Variants in NIBAN1 observed in about 807,000 individuals in gnomAD.
NIBAN1 encodes niban apoptosis regulator 1.
NIBAN1 carries 81 observed loss-of-function variants against 75.1 expected under a neutral mutation model. The ratio of observed to expected loss-of-function variants is 1.08; its 90% CI spans 0.90 to 1.30. The LOEUF (loss-of-function observed/expected upper bound fraction) is 1.30. Among genes scored for constraint, NIBAN1 ranks in the 50% most tolerant of loss-of-function variants. The pLI is 0.00. For missense variants in NIBAN1, 1,133 were observed against 1,128.1 expected, an observed-to-expected ratio of 1.00 and a Z score of -0.06; for synonymous variants, 436 against 424.8, an observed-to-expected ratio of 1.03 and a Z score of -0.32.
chr1:184,909,788 A>T (rs187149685), intron 1 of NIBAN1, among the ~76,000 whole-genome samples: 110 of 152,300 alleles, frequency 7.2e-4, no homozygotes, highest in African/African-American at 2.5e-3. Context: ...ATCTCCAATA[A>T]TAAAATCTGA....
At chr1:184,797,218 G>C (rs1348187822) in intron 13 of NIBAN1, among the ~76,000 whole-genome samples, 1 of 150,130 alleles carries the variant, frequency 6.7e-6, no homozygotes, top group Admixed American at 6.7e-5. Context: ...TGGCTCACTG[G>C]AACCTCTGCC....
chr1:184,878,537 T>C (rs910715176), intron 5 of NIBAN1, among the ~76,000 whole-genome samples: 1 of 152,192 alleles, frequency 6.6e-6, no homozygotes, highest in Non-Finnish European at 1.5e-5. Flanking sequence ...GATATAGTCA[T>C]GGTTAGCCTG....
At chr1:184,899,874 T>C (rs962789364) in intron 1 of NIBAN1, among the ~76,000 whole-genome samples, 3 of 145,096 alleles carry the variant, frequency 2.1e-5, no homozygotes, top group Admixed American at 7.2e-5. Context: ...TGGAGTGCAA[T>C]GGCACAATCT....
chr1:184,946,745 T>C (rs1422419612), intron 1 of NIBAN1, among the ~76,000 whole-genome samples: 2 of 152,184 alleles, frequency 1.3e-5, no homozygotes, highest in Non-Finnish European at 2.9e-5. Flanking sequence ...ACTCTTCATA[T>C]TTTCATAAAA....
chr1:184,898,837 G>A (rs536824198), intron 2 of NIBAN1, among the ~76,000 whole-genome samples: 2 of 152,180 alleles, frequency 1.3e-5, no homozygotes, highest in South Asian at 2.1e-4. Context: ...TGGAGCAAAG[G>A]AGTAAGAATA....
rs990857598 is a variant in NIBAN1 at position 184,859,751 on chromosome 1, C to G, written c.601+24882G>C. Among the ~76,000 whole-genome samples, 5 of 152,050 alleles carry G rather than the reference C, an allele frequency of 3.3e-5. No homozygotes were observed. The East Asian group carries it at 9.6e-4, about 29-fold the overall frequency. The stretch of plus-strand genomic sequence containing the variant: ...ATCTGCTGTGCCTTGCTGGTTCGCT[C>G]TGCCATGCTCACCAGATTACTGTGA... On this transcript the variant is annotated intron_variant, in intron 5 of 13. Coordinates refer to ENST00000367511, the MANE Select transcript of NIBAN1 (RefSeq NM_052966.4).
intron 1 of NIBAN1, among the ~76,000 whole-genome samples, chr1:184,960,019 T>G (rs952805637): frequency 1.3e-5 from 2 of 152,228 alleles, no homozygotes; most frequent in Non-Finnish European, 2.9e-5. Context: ...CTTTAATTTT[T>G]TTTATATTGC....
intron 1 of NIBAN1, among the ~76,000 whole-genome samples, chr1:184,952,335 C>G (rs1055581244): frequency 1.3e-5 from 2 of 152,112 alleles, no homozygotes; most frequent in African/African-American, 2.4e-5. Flanking sequence ...GTCCAGCAGA[C>G]AGAGGTTGCA....
At chr1:184,830,353 A>G (rs1654963310) in intron 6 of NIBAN1, among the ~76,000 whole-genome samples, 2 of 152,358 alleles carry the variant, frequency 1.3e-5, no homozygotes, top group Admixed American at 6.5e-5. Flanking sequence ...TCTTAATGGC[A>G]TAAGTACATA....
intron 1 of NIBAN1, 65 bp from the exon 2 acceptor site, chr1:184,899,374 C>T: frequency 6.5e-7 from 1 of 1,538,426 alleles, no homozygotes; most frequent in Non-Finnish European, 8.9e-7. Context: ...CTACAGAGTT[C>T]CAAAAACCAT....
intron 5 of NIBAN1, among the ~76,000 whole-genome samples, chr1:184,871,492 T>C (rs1294762291): frequency 6.6e-6 from 1 of 152,082 alleles, no homozygotes; most frequent in Non-Finnish European, 1.5e-5. Context: ...CCTTTTCTCA[T>C]TGCCCTCAGA....
At chr1:184,864,508 C>G (rs112474377) in intron 5 of NIBAN1, among the ~76,000 whole-genome samples, 1 of 151,978 alleles carries the variant, frequency 6.6e-6, no homozygotes. Flanking sequence ...ATTCCAGTAA[C>G]GGAAGCCACT....
Position 184,808,198 on chromosome 1 carries a change from A to C in NIBAN1, c.1211T>G (p.Val404Gly). Residue 404 changes from valine (V) to glycine (G), a missense_variant, in exon 10 of 14, where the codon GTG becomes GGG. Physicochemically the swap from Val to Gly is moderately radical, Grantham distance 109 (BLOSUM62 -3). Coordinates refer to ENST00000367511, the MANE Select transcript of NIBAN1 (RefSeq NM_052966.4). ...TTTAGTATAACAAGGTTCCATCTTC[A>C]CGGAATGCAGCGGAAGATTCATAAG... ...DRLMNLPLHSVKMEPCYTKVN... is the reference protein window; with the variant it reads ...DRLMNLPLHSGKMEPCYTKVN... The C allele has an allele frequency of 6.2e-7, 1 of 1,614,142 alleles. No homozygotes were observed.
rs186716712 is a variant in NIBAN1 at position 184,862,028 on chromosome 1, T to C, written c.601+22605A>G. Among the ~76,000 whole-genome samples the C allele has an allele frequency of 4.7e-3, 713 of 152,330 alleles. 2 individuals carry two copies. The highest frequency in any genetic ancestry group is 0.016 in the African/African-American group (677 of 41,566). ...TCTCCACAGGTTCAAGGGCACTCAC[T>C]ATTATTCCACAGTTCAAAGAAAGGA... is the stretch of plus-strand genomic sequence containing the variant. On this transcript the variant is annotated intron_variant, in intron 5 of 13. Transcript: ENST00000367511.
At chr1:184,860,840 T>C (rs1655797690) in intron 5 of NIBAN1, among the ~76,000 whole-genome samples, 1 of 152,194 alleles carries the variant, frequency 6.6e-6, no homozygotes, top group Admixed American at 6.5e-5. Context: ...TCATTTGAAA[T>C]ATGCAATCTC....
At chr1:184,892,707 T>C (rs1213182711) in intron 3 of NIBAN1, among the ~76,000 whole-genome samples, 1 of 152,188 alleles carries the variant, frequency 6.6e-6, no homozygotes, top group African/African-American at 2.4e-5. Context: ...GGTCTGTCAG[T>C]CTGAAGCCTC....
chr1:184,942,836 G>A (rs1658130344), intron 1 of NIBAN1, among the ~76,000 whole-genome samples: 1 of 151,964 alleles, frequency 6.6e-6, no homozygotes, highest in Non-Finnish European at 1.5e-5. Flanking sequence ...CACTGACAAC[G>A]CAGCCAGCCC....
chr1:184,806,556 C>T (rs998534450), intron 10 of NIBAN1, among the ~76,000 whole-genome samples: 20 of 152,202 alleles, frequency 1.3e-4, no homozygotes, highest in African/African-American at 4.6e-4. Flanking sequence ...GCACCTTTGC[C>T]TGTGTTCCCG....
chr1:184,950,177 G>C (rs1262711424), intron 1 of NIBAN1, among the ~76,000 whole-genome samples: 3 of 152,094 alleles, frequency 2.0e-5, no homozygotes, highest in Non-Finnish European at 4.4e-5. Context: ...AGAGGAGTCT[G>C]TTAATTTAGA....
Sources: allele counts gnomAD v4.1 joint callset (sites outside exome capture counted in the v4.1 genomes callset), GRCh38; gene constraint gnomAD v4.1.1; transcripts MANE v1.5; gene names NCBI Gene and HGNC (gene_info 2026-07-23, HGNC 2026-07-21).